The following MED27 variants were observed in gnomAD, a reference collection of about 807,000 sequenced individuals.
MED27 encodes the protein mediator of RNA polymerase II transcription subunit 27.
In MED27, 30 loss-of-function variants were observed where a neutral mutation model predicts 38.2. That is an observed-to-expected ratio of 0.79 (90% CI 0.59 to 1.07). The LOEUF is 1.07. Among genes scored for constraint, MED27 ranks in the 50% least tolerant of loss-of-function variants. The pLI, the probability that MED27 is intolerant of heterozygous loss-of-function variation, is 0.00. For synonymous variants in MED27, 122 were observed against 153.5 expected (o/e 0.79, Z 1.52); for missense variants, 289 against 397.5 (o/e 0.73, Z 2.32).
At chr9:132,067,876 T>C (rs1234877953) in intron 2 of MED27, among the ~76,000 whole-genome samples, 1 of 152,084 alleles carries the variant, frequency 6.6e-6, no homozygotes, top group Non-Finnish European at 1.5e-5. Context: ...TATGCTTGGC[T>C]AATTTTTTGT....
At chr9:131,924,172 G>T (rs1331871977) in intron 4 of MED27, among the ~76,000 whole-genome samples, 1 of 152,130 alleles carries the variant, frequency 6.6e-6, no homozygotes, top group Non-Finnish European at 1.5e-5. Context: ...CAAAACAGTT[G>T]GATGAATCTG....
At chr9:131,962,543 ATTT>A (rs35806394) in intron 3 of MED27, among the ~76,000 whole-genome samples, 32 of 149,236 alleles carry the variant, frequency 2.1e-4, no homozygotes, top group African/African-American at 6.4e-4. Flanking sequence ...CTGGCGTGTG[ATTT>A]TTTTTTTTTT....
chr9:131,860,523 G>C lies in MED27; in HGVS notation c.*15C>G. On this transcript the variant is annotated 3_prime_UTR_variant, in exon 8 of 8. Transcript: ENST00000292035. The surrounding 1 kb of genome is among the most constrained non-coding windows in gnomAD (Gnocchi z 5.8). ...AGGTGCTGGGTGGGGTCTGAGGCTG[G>C]GGCCAGCGTGGGGGCTACTGCCGGC... 6.7e-7 allele frequency: 1 copy of C among 1,503,148 alleles called. No individual in the cohort carries two copies. Among genetic ancestry groups the C allele is most frequent in the Non-Finnish European group, 8.9e-7 (1 of 1,126,246 alleles). 93.1% of individuals were successfully genotyped at this position (1,503,148 alleles called of 1,614,324 possible). A position where few individuals can be genotyped will look rare whatever the true frequency, so the allele number is the denominator to read the frequency against.
intron 4 of MED27, among the ~76,000 whole-genome samples, chr9:131,909,650 T>C (rs562773733): frequency 7.7e-4 from 117 of 152,240 alleles, no homozygotes; most frequent in Non-Finnish European, 1.3e-3. Context: ...CAAATCAATA[T>C]GTGGACAAGG....
chr9:132,079,575 G>T, intron 1 of MED27, 67 bp downstream of exon 1: 8 of 1,485,114 alleles, frequency 5.4e-6, no homozygotes, highest in South Asian at 1.1e-5. Context: ...GGGAAGACTC[G>T]AGCGACGTAG....
intron 2 of MED27, among the ~76,000 whole-genome samples, chr9:132,021,080 T>G (rs1402267554): frequency 6.6e-6 from 1 of 152,230 alleles, no homozygotes; most frequent in Non-Finnish European, 1.5e-5. Context: ...CTAAATGCCA[T>G]TTGAGTTTCT....
At chr9:131,943,482 C>T (rs775140558) in intron 3 of MED27, among the ~76,000 whole-genome samples, 1 of 152,126 alleles carries the variant, frequency 6.6e-6, no homozygotes, top group Non-Finnish European at 1.5e-5. Context: ...TGCAGTGCGG[C>T]GCCCCACTTT....
intron 3 of MED27, among the ~76,000 whole-genome samples, chr9:132,008,339 C>G (rs944253072): frequency 6.6e-6 from 1 of 152,206 alleles, no homozygotes; most frequent in East Asian, 1.9e-4. Context: ...CTATGAGGCT[C>G]AGAAGCCCAA....
intron 3 of MED27, among the ~76,000 whole-genome samples, chr9:131,953,538 G>C (rs577855479): frequency 6.6e-6 from 1 of 152,070 alleles, no homozygotes; most frequent in South Asian, 2.1e-4. Flanking sequence ...CTCAGTCATG[G>C]TACCACAGAG....
chr9:132,043,489 T>C (rs1833266402), intron 2 of MED27, among the ~76,000 whole-genome samples: 1 of 152,100 alleles, frequency 6.6e-6, no homozygotes, highest in African/African-American at 2.4e-5. Context: ...AGCAGGTACA[T>C]GAGCATTTAT....
At chr9:132,056,936 C>T (rs1262070079) in intron 2 of MED27, among the ~76,000 whole-genome samples, 3 of 152,162 alleles carry the variant, frequency 2.0e-5, no homozygotes, top group African/African-American at 7.2e-5. Context: ...GCCATCGTGC[C>T]CTGACAAGTA....
intron 3 of MED27, among the ~76,000 whole-genome samples, chr9:131,950,383 A>C (rs373423086): frequency 1.3e-5 from 2 of 152,184 alleles, no homozygotes; most frequent in African/African-American, 2.4e-5. Context: ...GCCTTCCCAC[A>C]TTCCAATGGC....
At chr9:131,998,654 T>C (rs1245236356) in intron 3 of MED27, among the ~76,000 whole-genome samples, 2 of 152,170 alleles carry the variant, frequency 1.3e-5, no homozygotes, top group African/African-American at 4.8e-5. Flanking sequence ...CTTTAAATTC[T>C]AAGTGCTCCT....
intron 3 of MED27, among the ~76,000 whole-genome samples, chr9:131,952,810 G>A (rs940498714): frequency 3.3e-5 from 5 of 152,176 alleles, no homozygotes; most frequent in East Asian, 1.9e-4. Context: ...TAACAGCTCC[G>A]CCCATGGGCA....
chr9:131,897,539 T>C lies in MED27; in HGVS notation c.574-3547A>G, dbSNP rs116407245. Among the ~76,000 whole-genome samples, 1,061 of 152,346 alleles carry C rather than the reference T, an allele frequency of 7.0e-3. 12 individuals are homozygous for C. Among genetic ancestry groups the C allele is most frequent in the Middle Eastern group, 0.031 (9 of 294 alleles). On this transcript the variant is annotated intron_variant, in intron 4 of 7. Coordinates refer to ENST00000292035, the MANE Select transcript of MED27 (RefSeq NM_004269.4). ...GATGTGGGTGTCATGGTTCTGCTTA[T>C]GTGCTTTTGGAACCCTTTGAGAAAT... is the stretch of plus-strand genomic sequence containing the variant.
chr9:132,045,208 AAGAT>A (rs896273398), intron 2 of MED27, among the ~76,000 whole-genome samples: 7 of 152,226 alleles, frequency 4.6e-5, no homozygotes, highest in African/African-American at 1.7e-4. Context: ...CAAGTATGCC[AAGAT>A]AGATACTCAA....
At chr9:131,887,966 A>G (rs534311744) in intron 5 of MED27, among the ~76,000 whole-genome samples, 27 of 152,218 alleles carry the variant, frequency 1.8e-4, no homozygotes, top group Non-Finnish European at 3.2e-4. Flanking sequence ...CAATTGCTTC[A>G]GCACAGACAC....
At chr9:132,046,371 T>G (rs932343026) in intron 2 of MED27, among the ~76,000 whole-genome samples, 10 of 152,048 alleles carry the variant, frequency 6.6e-5, no homozygotes, top group African/African-American at 2.4e-4. Flanking sequence ...AATATTGCTA[T>G]GGAATATAAA....
intron 3 of MED27, among the ~76,000 whole-genome samples, chr9:131,969,420 G>A (rs1489283951): frequency 6.6e-6 from 1 of 152,138 alleles, no homozygotes; most frequent in Non-Finnish European, 1.5e-5. Context: ...CATCTTCAAT[G>A]GAGGTTTCTT....
Sources: allele counts gnomAD v4.1 joint callset (sites outside exome capture counted in the v4.1 genomes callset), GRCh38; gene constraint gnomAD v4.1.1; non-coding constraint Gnocchi (gnomAD v3.1); transcripts MANE v1.5; gene names NCBI Gene and HGNC (gene_info 2026-07-23, HGNC 2026-07-21).